Variants in FAAH2 observed in about 807,000 individuals in gnomAD.
FAAH2 encodes the protein fatty-acid amide hydrolase 2.
Under a neutral mutation model 36.9 loss-of-function variants are expected in FAAH2, and 60 were observed. The observed-to-expected ratio is 1.63, with a 90% CI of 1.32 to 2.02. The LOEUF (loss-of-function observed/expected upper bound fraction) is 2.02. Ranked by LOEUF, FAAH2 falls within the 30% of genes most tolerant of loss-of-function variation. The pLI, the probability that FAAH2 is intolerant of heterozygous loss-of-function variation, is 0.00. For missense variants in FAAH2, 689 were observed against 397.5 expected, an observed-to-expected ratio of 1.73 and a Z score of -6.23; for synonymous variants, 214 against 143.8, an observed-to-expected ratio of 1.49 and a Z score of -3.49.
Position 57,287,037 on chromosome X carries a change from G to A in FAAH2, c.192+20G>A. ...AGAAAGGTGAGAATGCAATTCAGAA[G>A]AGGCTGGAGGGACAGGTCTTTTAGC... is the stretch of plus-strand genomic sequence containing the variant. On this transcript the variant is annotated intron_variant, in intron 1 of 10. Coordinates refer to ENST00000374900, the MANE Select transcript of FAAH2 (RefSeq NM_174912.4). The A allele has an allele frequency of 8.7e-7, 1 of 1,144,403 alleles. No homozygotes were observed. The highest frequency in any genetic ancestry group is 1.8e-5 in the African/African-American group (1 of 55,356). 94.3% of individuals were successfully genotyped at this position (1,144,403 alleles called of 1,213,427 possible).
At chrX:57,324,871 A>T (rs1336739001) in intron 3 of FAAH2, among the ~76,000 whole-genome samples, 5 of 111,908 alleles carry the variant, frequency 4.5e-5, no homozygotes, top group Non-Finnish European at 7.5e-5. Context: ...AACTTCCAAC[A>T]CTATGTTGAA....
intron 7 of FAAH2, among the ~76,000 whole-genome samples, chrX:57,419,307 T>G (rs1382167511): frequency 9.0e-6 from 1 of 110,916 alleles, no homozygotes; most frequent in Admixed American, 9.6e-5. Flanking sequence ...ACTTCCACAA[T>G]GGTTGAACTA....
chrX:57,446,737 G>A (rs1023763258), intron 8 of FAAH2, among the ~76,000 whole-genome samples, 191 bp from the exon 9 acceptor site: 3 of 111,508 alleles, frequency 2.7e-5, no homozygotes, highest in Non-Finnish European at 5.7e-5. Flanking sequence ...TATCTATATT[G>A]TATCATATAT....
the FAAH2 span, among the ~76,000 whole-genome samples, chrX:57,278,149 A>G: frequency 8.9e-6 from 1 of 111,844 alleles, no homozygotes; most frequent in Non-Finnish European, 1.9e-5. Context: ...AGCTGGAGGC[A>G]TCACGCTACC....
the FAAH2 span, among the ~76,000 whole-genome samples, chrX:57,240,087 G>T: frequency 8.9e-6 from 1 of 112,064 alleles, no homozygotes; most frequent in African/African-American, 3.2e-5. Context: ...AGTTGTTTGG[G>T]GATAAGAAGA....
At chrX:57,204,106 C>G in the FAAH2 span, among the ~76,000 whole-genome samples, 2 of 111,146 alleles carry the variant, frequency 1.8e-5, no homozygotes, top group Non-Finnish European at 3.8e-5. Flanking sequence ...CCTTAGGGGA[C>G]AAATCCATAA....
At chrX:57,192,713 C>T in the FAAH2 span, among the ~76,000 whole-genome samples, 5 of 111,801 alleles carry the variant, frequency 4.5e-5, no homozygotes, top group African/African-American at 1.6e-4. Context: ...GGCAGAAGCA[C>T]GTGGATTGTG....
the FAAH2 span, among the ~76,000 whole-genome samples, chrX:57,191,667 G>T: frequency 5.4e-5 from 6 of 111,933 alleles, no homozygotes; most frequent in Admixed American, 5.7e-4. Flanking sequence ...TTTGTAAATT[G>T]TAAGAGATAG....
chrX:57,234,751 A>C, the FAAH2 span, among the ~76,000 whole-genome samples: 1 of 111,685 alleles, frequency 9.0e-6, no homozygotes, highest in Non-Finnish European at 1.9e-5. Context: ...AGCAGCTGTA[A>C]ATACAGATGA....
chrX:57,274,918 G>A, the FAAH2 span, among the ~76,000 whole-genome samples: 2 of 111,774 alleles, frequency 1.8e-5, no homozygotes, highest in East Asian at 2.8e-4. Context: ...AATCAGGCAG[G>A]AGAAAGCAAT....
chrX:57,321,131 C>A (rs1221362006), intron 3 of FAAH2, among the ~76,000 whole-genome samples: 1 of 91,812 alleles, frequency 1.1e-5, no homozygotes, highest in African/African-American at 4.7e-5. Flanking sequence ...CAGAGCGAGA[C>A]TCCATCTCAA....
intron 7 of FAAH2, among the ~76,000 whole-genome samples, chrX:57,382,477 A>G (rs892102400): frequency 1.8e-5 from 2 of 111,945 alleles, no homozygotes; most frequent in Admixed American, 1.9e-4. Context: ...GACGCAATAA[A>G]AAATTATGAA....
chrX:57,255,638 T>C, the FAAH2 span, among the ~76,000 whole-genome samples: 2 of 112,092 alleles, frequency 1.8e-5, no homozygotes, highest in Non-Finnish European at 3.8e-5. Flanking sequence ...AATCAATGAA[T>C]GTAATCTATC....
At chrX:57,143,284 G>C in the FAAH2 span, among the ~76,000 whole-genome samples, 1 of 109,664 alleles carries the variant, frequency 9.1e-6, no homozygotes, top group Non-Finnish European at 1.9e-5. Context: ...ACAGGCTTTT[G>C]CTTCATGGAT....
intron 8 of FAAH2, among the ~76,000 whole-genome samples, chrX:57,435,263 C>T (rs1347905318): frequency 9.0e-6 from 1 of 111,253 alleles, no homozygotes; most frequent in Admixed American, 9.5e-5. Context: ...TTCACCAAAC[C>T]ATAAAGACAA....
the FAAH2 span, among the ~76,000 whole-genome samples, chrX:57,184,439 C>G: frequency 8.9e-6 from 1 of 112,238 alleles, no homozygotes; most frequent in Admixed American, 9.4e-5. Flanking sequence ...AAATTCCTCT[C>G]TTTGTACTGT....
intron 10 of FAAH2, among the ~76,000 whole-genome samples, chrX:57,453,265 G>A (rs1296873110): frequency 8.9e-6 from 1 of 112,537 alleles, no homozygotes; most frequent in Non-Finnish European, 1.9e-5. Flanking sequence ...AGAATCAAGA[G>A]TTGATAAAAT....
At chrX:57,422,206 A>G (rs955491149) in intron 7 of FAAH2, among the ~76,000 whole-genome samples, 2 of 112,184 alleles carry the variant, frequency 1.8e-5, no homozygotes, top group Non-Finnish European at 3.8e-5. Context: ...CAAGCTCACA[A>G]TAATCCATTG....
chrX:57,170,761 G>A, the FAAH2 span, among the ~76,000 whole-genome samples: 1 of 109,722 alleles, frequency 9.1e-6, no homozygotes, highest in South Asian at 4.0e-4. Flanking sequence ...CTGGAATGCA[G>A]TGGCGTGATC....
Sources: gnomAD v4.1 joint callset for allele counts (sites outside exome capture counted in the v4.1 genomes callset) on GRCh38, gnomAD v4.1.1 for gene constraint, MANE v1.5 for transcripts, NCBI Gene and HGNC (gene_info 2026-07-23, HGNC 2026-07-21) for gene names.